Variants in FREM3 observed in about 807,000 individuals in gnomAD.
The protein encoded by FREM3 is FRAS1-related extracellular matrix protein 3.
A neutral mutation model predicts 129.1 loss-of-function variants in FREM3; 105 were observed. That is an observed-to-expected ratio of 0.81 (90% CI 0.69 to 0.96). The LOEUF (loss-of-function observed/expected upper bound fraction) is 0.96. FREM3 is among the 40% of genes least tolerant of loss of function. The pLI, the probability that FREM3 is intolerant of heterozygous loss-of-function variation, is 0.00. For missense variants in FREM3, 2,593 were observed against 2,666.3 expected, an observed-to-expected ratio of 0.97 and a Z score of 0.61; for synonymous variants, 1,014 against 1,044.9, an observed-to-expected ratio of 0.97 and a Z score of 0.57.
chr4:143,660,216 G>T, intron 2 of FREM3, among the ~76,000 whole-genome samples: 5 of 150,782 alleles, frequency 3.3e-5, no homozygotes, highest in African/African-American at 1.2e-4. Context: ...AATGGTTTTA[G>T]GTCTAACATT....
intron 2 of FREM3, among the ~76,000 whole-genome samples, chr4:143,647,002 G>A (rs957568280): frequency 6.6e-6 from 1 of 152,104 alleles, no homozygotes; most frequent in African/African-American, 2.4e-5. Context: ...AAGACAGGAA[G>A]GTGTGGGAAA....
At chr4:143,591,174 C>G (rs894100471) in intron 6 of FREM3, among the ~76,000 whole-genome samples, 6 of 152,068 alleles carry the variant, frequency 3.9e-5, no homozygotes, top group Non-Finnish European at 7.4e-5. Flanking sequence ...TTTTGTTGAT[C>G]TTTTCAAAAA....
chr4:143,681,252 T>C (rs1740243379), intron 2 of FREM3, among the ~76,000 whole-genome samples: 1 of 152,096 alleles, frequency 6.6e-6, no homozygotes, highest in Admixed American at 6.5e-5. Flanking sequence ...AAATTTGTAG[T>C]AAGGAGCAAA....
chr4:143,655,793 G>A (rs1435257077), intron 2 of FREM3, among the ~76,000 whole-genome samples: 2 of 152,172 alleles, frequency 1.3e-5, no homozygotes, highest in Non-Finnish European at 2.9e-5. Context: ...AGGACCAGGG[G>A]CCCAGGGCAT....
chr4:143,697,702 G>A lies in FREM3; in HGVS notation c.2974C>T (p.Pro992Ser). 1 of 1,537,704 alleles carries A rather than the reference G, an allele frequency of 6.5e-7. No individual in the cohort carries two copies. Among genetic ancestry groups the A allele is most frequent in the Non-Finnish European group, 8.7e-7 (1 of 1,147,028 alleles). The change falls in exon 1 of 8, where the codon CCC becomes TCC. Residue 992 changes from proline (P) to serine (S), a missense_variant. Pro to Ser is a moderately conservative substitution (Grantham distance 74, BLOSUM62 -1). Around this residue, in one of 2 missense-constraint regions of FREM3, gnomAD observed 2,276 missense variants for 2,267.2 expected, o/e 1.00. Transcript: ENST00000329798. The part of the protein sequence containing the change: ...LMLSFIVKDS[P>S]KLGTILVNGL... ...TTTACCAGAATAGTGCCCAGTTTGG[G>A]GCTGTCCTTTACAATGAAAGACAGC...
chr4:143,661,869 G>A (rs1739732202), intron 2 of FREM3, among the ~76,000 whole-genome samples: 1 of 152,146 alleles, frequency 6.6e-6, no homozygotes, highest in South Asian at 2.1e-4. Flanking sequence ...TTTCTAGTTT[G>A]TTTGTGTAGA....
At chr4:143,590,886 T>C (rs550967681) in intron 6 of FREM3, among the ~76,000 whole-genome samples, 1 of 152,320 alleles carries the variant, frequency 6.6e-6, no homozygotes, top group African/African-American at 2.4e-5. Context: ...TTTTGGTTGG[T>C]AAGCTATTAA....
intron 2 of FREM3, among the ~76,000 whole-genome samples, chr4:143,646,473 A>T (rs1739418098): frequency 6.6e-6 from 1 of 152,120 alleles, no homozygotes; most frequent in Admixed American, 6.5e-5. Flanking sequence ...GCAGGACAAG[A>T]GGGAGATAAT....
intron 2 of FREM3, among the ~76,000 whole-genome samples, chr4:143,641,029 T>C (rs1485795301): frequency 6.6e-6 from 1 of 152,188 alleles, no homozygotes; most frequent in Non-Finnish European, 1.5e-5. Flanking sequence ...CTGAAAGCCA[T>C]AATGCACTGT....
intron 7 of FREM3, among the ~76,000 whole-genome samples, chr4:143,583,982 G>T (rs1738192639): frequency 6.6e-6 from 1 of 152,152 alleles, no homozygotes. Context: ...ATGAAAACAG[G>T]CTAAATGACC....
At chr4:143,669,752 CT>C (rs1414305088) in intron 2 of FREM3, among the ~76,000 whole-genome samples, 1 of 150,886 alleles carries the variant, frequency 6.6e-6, no homozygotes, top group African/African-American at 2.4e-5. Flanking sequence ...ATAGTTTTTG[CT>C]TTAAATTAAA....
At position 143,698,872 on chromosome 4, in the gene FREM3, CA is replaced by C; in HGVS notation, c.1803del (p.Gly602ValfsTer41). 1 of 1,537,596 alleles carries C rather than the reference CA, an allele frequency of 6.5e-7. No homozygotes were observed. Among genetic ancestry groups the C allele is most frequent in the South Asian group, 1.2e-5 (1 of 84,048 alleles). On this transcript the variant is annotated frameshift_variant, in exon 1 of 8. Transcript: ENST00000329798. LOFTEE classifies it high-confidence loss of function. ...NEEEPQWELAPGSSHSGHYLG... is the reference protein window; with the variant it reads ...NEEEPQWELAXGSSHSGHYLG... ...AGGTAGTGGCCTGAGTGGGAGGAAC[CA>C]GGGGCCAACTCCCACTGAGGCTCTT...
chr4:143,663,401 G>T (rs1052016697), intron 2 of FREM3, among the ~76,000 whole-genome samples: 1 of 152,092 alleles, frequency 6.6e-6, no homozygotes, highest in Non-Finnish European at 1.5e-5. Context: ...TAAGAATGTT[G>T]AATATTGGCC....
At chr4:143,684,392 T>C (rs6848881) in intron 2 of FREM3, among the ~76,000 whole-genome samples, 11,065 of 152,056 alleles carry the variant, frequency 0.073, 1,074 homozygotes, top group African/African-American at 0.21. Context: ...GGTGGCTAGA[T>C]CCAGAAGGGA....
intron 7 of FREM3, among the ~76,000 whole-genome samples, chr4:143,584,111 G>GA (rs1738194934): frequency 1.3e-5 from 2 of 152,216 alleles, no homozygotes; most frequent in African/African-American, 2.4e-5. Flanking sequence ...AAGGGATGGA[G>GA]AAAAATCTAC....
At chr4:143,597,295 G>A (rs1209275990) in intron 6 of FREM3, among the ~76,000 whole-genome samples, 1 of 152,178 alleles carries the variant, frequency 6.6e-6, no homozygotes, top group African/African-American at 2.4e-5. Flanking sequence ...ATACATGTAA[G>A]CCAACAGTGG....
At chr4:143,667,636 CTT>C (rs34418222) in intron 2 of FREM3, among the ~76,000 whole-genome samples, 1 of 152,174 alleles carries the variant, frequency 6.6e-6, no homozygotes, top group Non-Finnish European at 1.5e-5. Context: ...TCCATCATAA[CTT>C]TTTCAGTTGA....
intron 1 of FREM3, among the ~76,000 whole-genome samples, chr4:143,693,754 A>G (rs1440935700): frequency 6.6e-6 from 1 of 152,176 alleles, no homozygotes; most frequent in African/African-American, 2.4e-5. Flanking sequence ...ATACCATGGA[A>G]TCCTATGCAG....
chr4:143,688,169 C>A (rs572742063), intron 2 of FREM3, among the ~76,000 whole-genome samples: 1 of 152,094 alleles, frequency 6.6e-6, no homozygotes, highest in Non-Finnish European at 1.5e-5. Flanking sequence ...ATAGAGTTTA[C>A]GGATACAAGA....
Sources: gnomAD v4.1 joint callset for allele counts (sites outside exome capture counted in the v4.1 genomes callset) on GRCh38, gnomAD v4.1.1 for gene constraint, gnomAD v4.1.1 regional missense constraint, MANE v1.5 for transcripts, NCBI Gene and HGNC (gene_info 2026-07-23, HGNC 2026-07-21) for gene names.